Variants in UVRAG observed in about 807,000 individuals in gnomAD.
UVRAG encodes the protein UV radiation resistance associated.
In UVRAG, 19 loss-of-function variants were observed where a neutral mutation model predicts 78.0. The ratio of observed to expected loss-of-function variants is 0.24; its 90% CI spans 0.17 to 0.36. The LOEUF is 0.36. Among genes scored for constraint, UVRAG ranks in the 10% least tolerant of loss-of-function variants. The pLI, the probability that UVRAG is intolerant of heterozygous loss-of-function variation, is 1.00. For missense variants in UVRAG, 740 were observed against 853.8 expected, an observed-to-expected ratio of 0.87 and a Z score of 1.66; for synonymous variants, 323 against 324.6, an observed-to-expected ratio of 1.00 and a Z score of 0.05.
chr11:75,941,399 G>A (rs1214319927), intron 6 of UVRAG, among the ~76,000 whole-genome samples: 1 of 151,944 alleles, frequency 6.6e-6, no homozygotes, highest in African/African-American at 2.4e-5. Flanking sequence ...CTTCTTTAAA[G>A]TTACTCATTA....
intron 12 of UVRAG, among the ~76,000 whole-genome samples, chr11:76,044,353 G>C (rs922892133): frequency 2.6e-5 from 4 of 152,230 alleles, no homozygotes; most frequent in African/African-American, 9.6e-5. Flanking sequence ...CCAGCACACA[G>C]AGCCTGACAT....
At chr11:75,926,036 A>G (rs2086900347) in intron 6 of UVRAG, among the ~76,000 whole-genome samples, 2 of 152,056 alleles carry the variant, frequency 1.3e-5, no homozygotes, top group South Asian at 4.1e-4. Flanking sequence ...CTTCCCAGTA[A>G]AAGTTTTTTT....
At chr11:75,986,825 C>G (rs1949509869) in intron 8 of UVRAG, among the ~76,000 whole-genome samples, 1 of 151,088 alleles carries the variant, frequency 6.6e-6, no homozygotes, top group Admixed American at 6.6e-5. Flanking sequence ...TTTGCCTTTT[C>G]TGGACATTCT....
chr11:76,061,075 G>A (rs558968615), intron 12 of UVRAG, among the ~76,000 whole-genome samples: 38 of 152,350 alleles, frequency 2.5e-4, no homozygotes, highest in African/African-American at 8.9e-4. Flanking sequence ...CTAAGGGATT[G>A]TAAATACACC....
In UVRAG at chr11:75,959,364, G is replaced by A. The variant is rs560830327; in HGVS notation, c.594-2080G>A. Among the ~76,000 whole-genome samples, 9 of 152,292 alleles carry A rather than the reference G, an allele frequency of 5.9e-5. No homozygotes were observed. In the South Asian group the frequency reaches 1.2e-3, roughly 21 times the overall value. ...AGCTAGAGCTACTGAGTAACTTATT[G>A]CAGCTTCTCCATTAGCACTTCCTGC... On this transcript the variant is annotated intron_variant, in intron 6 of 14. Coordinates refer to ENST00000356136, the MANE Select transcript of UVRAG (RefSeq NM_003369.4).
intron 2 of UVRAG, among the ~76,000 whole-genome samples, chr11:75,853,421 G>A (rs553989256): frequency 6.7e-6 from 1 of 149,450 alleles, no homozygotes; most frequent in East Asian, 2.0e-4. Flanking sequence ...GTGCAATGGC[G>A]TGATCTCAGC....
At chr11:75,929,367 A>C (rs1948183209) in intron 6 of UVRAG, among the ~76,000 whole-genome samples, 2 of 152,154 alleles carry the variant, frequency 1.3e-5, no homozygotes, top group Admixed American at 6.6e-5. Context: ...CCATTCTGTC[A>C]GTTTGAATGG....
intron 13 of UVRAG, among the ~76,000 whole-genome samples, chr11:76,113,233 T>C (rs1952112864): frequency 6.6e-6 from 1 of 152,200 alleles, no homozygotes; most frequent in Admixed American, 6.5e-5. Flanking sequence ...ATTGAATGTA[T>C]TGAGAAGATG....
intron 14 of UVRAG, among the ~76,000 whole-genome samples, chr11:76,134,542 AAG>A (rs1952568598): frequency 6.6e-6 from 1 of 152,146 alleles, no homozygotes; most frequent in Admixed American, 6.5e-5. Flanking sequence ...TATGCTGTAT[AAG>A]AGAAACAGTA....
chr11:76,128,525 A>G (rs190675347), intron 14 of UVRAG, among the ~76,000 whole-genome samples: 1 of 152,346 alleles, frequency 6.6e-6, no homozygotes, highest in Non-Finnish European at 1.5e-5. Context: ...GTCTTTGCCC[A>G]TCAAAAGCTG....
At chr11:75,988,267 A>C (rs990516205) in intron 8 of UVRAG, among the ~76,000 whole-genome samples, 5 of 152,200 alleles carry the variant, frequency 3.3e-5, no homozygotes, top group African/African-American at 1.2e-4. Context: ...GCCTTGTTGT[A>C]GTCAGTTCTT....
At chr11:76,024,548 T>C (rs1269046952) in intron 12 of UVRAG, among the ~76,000 whole-genome samples, 1 of 152,200 alleles carries the variant, frequency 6.6e-6, no homozygotes, top group African/African-American at 2.4e-5. Context: ...ATGCATCTTA[T>C]AATTAATGGG....
intron 9 of UVRAG, among the ~76,000 whole-genome samples, chr11:76,004,337 C>T (rs569113401): frequency 6.6e-5 from 10 of 152,314 alleles, no homozygotes; most frequent in Middle Eastern, 3.4e-3. Context: ...TCAAGTTTCT[C>T]AGGCCACAGC....
At chr11:75,841,466 TTC>T (rs1945908281) in intron 1 of UVRAG, among the ~76,000 whole-genome samples, 2 of 152,208 alleles carry the variant, frequency 1.3e-5, no homozygotes, top group Non-Finnish European at 2.9e-5. Flanking sequence ...ATAGTAATAT[TTC>T]TTTACGTAAA....
intron 12 of UVRAG, among the ~76,000 whole-genome samples, chr11:76,036,662 C>CT (rs1354986560): frequency 2.0e-5 from 3 of 151,214 alleles, no homozygotes. Context: ...CAACATATAT[C>CT]TAAGGGGAAT....
At chr11:76,121,296 G>C (rs924672663) in intron 14 of UVRAG, among the ~76,000 whole-genome samples, 1 of 152,182 alleles carries the variant, frequency 6.6e-6, no homozygotes, top group African/African-American at 2.4e-5. Flanking sequence ...TCCAAAAGGA[G>C]TGCCCATTTT....
chr11:75,854,297 C>T (rs1237113566), intron 2 of UVRAG, among the ~76,000 whole-genome samples: 1 of 152,168 alleles, frequency 6.6e-6, no homozygotes, highest in Non-Finnish European at 1.5e-5. Context: ...TACATGGCCT[C>T]TGGCATGGCC....
intron 1 of UVRAG, among the ~76,000 whole-genome samples, chr11:75,846,337 G>T (rs1392210789): frequency 4.6e-5 from 7 of 152,146 alleles, no homozygotes; most frequent in Non-Finnish European, 1.0e-4. Context: ...ATCAGGTAAG[G>T]GTTTCAGACC....
intron 13 of UVRAG, among the ~76,000 whole-genome samples, chr11:76,078,385 T>C (rs774679610): frequency 6.6e-6 from 1 of 152,150 alleles, no homozygotes; most frequent in Non-Finnish European, 1.5e-5. Flanking sequence ...TATCTGTGGA[T>C]AGACCCATAT....
Sources: allele counts gnomAD v4.1 joint callset (sites outside exome capture counted in the v4.1 genomes callset), GRCh38; gene constraint gnomAD v4.1.1; transcripts MANE v1.5; gene names NCBI Gene and HGNC (gene_info 2026-07-23, HGNC 2026-07-21).